CREB3L2: variants seen among roughly 807,000 people sequenced by gnomAD.
CREB3L2 encodes cyclic AMP-responsive element-binding protein 3-like protein 2.
CREB3L2 carries 23 observed loss-of-function variants against 57.2 expected under a neutral mutation model. The observed-to-expected ratio is 0.40, with a 90% CI of 0.29 to 0.57. The LOEUF is 0.57. Ranked by LOEUF, CREB3L2 falls within the 20% of genes least tolerant of loss-of-function variation. CREB3L2 has a pLI of 0.42. For missense variants in CREB3L2, 628 were observed against 634.7 expected, an observed-to-expected ratio of 0.99 and a Z score of 0.11; for synonymous variants, 268 against 265.1, an observed-to-expected ratio of 1.01 and a Z score of -0.11.
rs188762533 is a variant in CREB3L2, at chr7:137,986,107, T to G, written c.102+15497A>C. 1.3e-4 allele frequency among the ~76,000 whole-genome samples: 20 copies of G among 152,342 alleles called. No homozygotes were observed. The East Asian group carries it at 3.3e-3, about 25-fold the overall frequency. ...TCATTTATCTTCCTCCACCATGGCC[T>G]TGTGAAACAGTCTCAGAAAGGTGCT... On this transcript the variant is annotated intron_variant, in intron 1 of 11. Transcript: ENST00000330387.
At chr7:137,968,774 C>G (rs573308812) in intron 1 of CREB3L2, among the ~76,000 whole-genome samples, 9 of 152,270 alleles carry the variant, frequency 5.9e-5, no homozygotes, top group Admixed American at 3.3e-4. Context: ...GGCCCGCCAC[C>G]AACTCTCTAT....
chr7:137,937,139 T>A (rs1800801047), intron 1 of CREB3L2, among the ~76,000 whole-genome samples: 1 of 152,142 alleles, frequency 6.6e-6, no homozygotes, highest in African/African-American at 2.4e-5. Context: ...AAAAGATAGT[T>A]CTCCGGCAGG....
chr7:137,949,941 G>A (rs184265322), intron 1 of CREB3L2, among the ~76,000 whole-genome samples: 21 of 152,234 alleles, frequency 1.4e-4, no homozygotes, highest in Middle Eastern at 3.4e-3. Context: ...CCTTGTCAAC[G>A]GAGGTACTGT....
chr7:137,936,489 G>A (rs1585642315), intron 1 of CREB3L2, among the ~76,000 whole-genome samples: 4 of 152,154 alleles, frequency 2.6e-5, no homozygotes, highest in Non-Finnish European at 4.4e-5. Flanking sequence ...TATGTGTACT[G>A]GGGATGAGGG....
At chr7:137,958,547 A>C (rs1801261176) in intron 1 of CREB3L2, among the ~76,000 whole-genome samples, 1 of 152,260 alleles carries the variant, frequency 6.6e-6, no homozygotes. Context: ...TGGCTGCTTC[A>C]AACAAGCCAA....
At chr7:137,908,211 G>A in intron 5 of CREB3L2, 41 bp downstream of exon 5, 1 of 1,218,104 alleles carries the variant, frequency 8.2e-7, no homozygotes, top group Non-Finnish European at 1.0e-6. Flanking sequence ...AATGAATGGA[G>A]AGGGTTCCCT....
intron 1 of CREB3L2, among the ~76,000 whole-genome samples, chr7:137,942,139 C>T (rs551759460): frequency 6.6e-6 from 1 of 152,332 alleles, no homozygotes; most frequent in African/African-American, 2.4e-5. Context: ...CATCCATAAG[C>T]TTCTTTAGTG....
At chr7:137,998,717 C>G (rs943557851) in intron 1 of CREB3L2, among the ~76,000 whole-genome samples, 1 of 152,226 alleles carries the variant, frequency 6.6e-6, no homozygotes. Flanking sequence ...TTGTAAAGCA[C>G]TAGACACAAT....
chr7:137,999,874 C>T (rs945014056), intron 1 of CREB3L2: 1 of 152,206 alleles, frequency 6.6e-6, no homozygotes, highest in Non-Finnish European at 1.5e-5. Flanking sequence ...ATCACACATT[C>T]CTGCTTTATC....
At chr7:137,975,991 C>T (rs1356759415) in intron 1 of CREB3L2, among the ~76,000 whole-genome samples, 1 of 152,212 alleles carries the variant, frequency 6.6e-6, no homozygotes, top group African/African-American at 2.4e-5. Context: ...TGTTTCTCTG[C>T]TCCAAGAGTC....
chr7:137,940,021 T>C (rs1244126157), intron 1 of CREB3L2, among the ~76,000 whole-genome samples: 2 of 152,246 alleles, frequency 1.3e-5, no homozygotes, highest in Admixed American at 6.5e-5. Context: ...CTCTTCCTAA[T>C]TGGTGTTGTT....
chr7:137,978,741 G>A (rs1246240042), intron 1 of CREB3L2, among the ~76,000 whole-genome samples: 2 of 152,192 alleles, frequency 1.3e-5, no homozygotes, highest in African/African-American at 4.8e-5. Context: ...CAGTAGTGAC[G>A]CAGCTGAGGC....
rs1219646705 is a variant in CREB3L2 at position 137,972,720 on chromosome 7, TATATATATATATATATAGAGAGAG to T, written c.102+28860_102+28883del. ...AAAAAAAAAAAAAAAAAAATATATA[TATATATATATATATATAGAGAGAG>T]AGAGAGAGAGAGAGAGAGAGAGAGA... On this transcript the variant is annotated intron_variant, in intron 1 of 11. Coordinates refer to ENST00000330387, the MANE Select transcript of CREB3L2 (RefSeq NM_194071.4). 1.5e-3 allele frequency among the ~76,000 whole-genome samples: 44 copies of T among 30,274 alleles called. 3 individuals are homozygous for T. Among genetic ancestry groups the T allele is most frequent in the African/African-American group, 6.4e-3 (39 of 6,090 alleles). 19.9% of individuals were successfully genotyped at this position (30,274 alleles called of 152,430 possible).
chr7:137,922,960 T>C (rs966510834), intron 2 of CREB3L2, among the ~76,000 whole-genome samples: 2 of 152,014 alleles, frequency 1.3e-5, no homozygotes, highest in Non-Finnish European at 2.9e-5. Flanking sequence ...AAGAATTCAG[T>C]TAAATGTGTC....
At chr7:137,911,354 T>C (rs1800001283) in intron 4 of CREB3L2, among the ~76,000 whole-genome samples, 1 of 152,232 alleles carries the variant, frequency 6.6e-6, no homozygotes. Flanking sequence ...CTGATTACAT[T>C]GTTACAAACC....
intron 2 of CREB3L2, among the ~76,000 whole-genome samples, chr7:137,920,084 A>G (rs1646554): frequency 0.51 from 77,745 of 151,734 alleles, 20,510 homozygotes; most frequent in East Asian, 0.72. Context: ...GTAAGAGTCA[A>G]TGAGACCCTT....
chr7:137,927,807 A>C lies in CREB3L2; in HGVS notation c.319+343T>G, dbSNP rs565449297. Among the ~76,000 whole-genome samples, 68 of 145,148 alleles carry C rather than the reference A, an allele frequency of 4.7e-4. No homozygotes were observed. In the South Asian group the frequency reaches 0.014, roughly 30 times the overall value. ...TCTCAGAAAAAAAAAAAAAAATGGC[A>C]TGACCCCTTGAAACAAGAGACTTAC... On this transcript the variant is annotated intron_variant, in intron 2 of 11. Coordinates refer to ENST00000330387, the MANE Select transcript of CREB3L2 (RefSeq NM_194071.4).
At chr7:137,899,428 G>C (rs1799707186) in intron 8 of CREB3L2, among the ~76,000 whole-genome samples, 1 of 152,230 alleles carries the variant, frequency 6.6e-6, no homozygotes, top group Non-Finnish European at 1.5e-5. Flanking sequence ...CATGAACATG[G>C]GGCTGCTGCG....
intron 1 of CREB3L2, among the ~76,000 whole-genome samples, chr7:137,963,890 G>A (rs888715358): frequency 1.3e-5 from 2 of 152,002 alleles, no homozygotes; most frequent in Non-Finnish European, 2.9e-5. Flanking sequence ...TGACATATCT[G>A]TTGAAGAAAG....
Sources: gnomAD v4.1 joint callset for allele counts (sites outside exome capture counted in the v4.1 genomes callset) on GRCh38, gnomAD v4.1.1 for gene constraint, MANE v1.5 for transcripts, NCBI Gene and HGNC (gene_info 2026-07-23, HGNC 2026-07-21) for gene names.